SSC4D: variants seen among roughly 807,000 people sequenced by gnomAD.
The protein encoded by SSC4D is scavenger receptor cysteine rich family member with 4 domains, also known as scavenger receptor cysteine-rich domain-containing group B protein.
Under a neutral mutation model 63.4 loss-of-function variants are expected in SSC4D, and 57 were observed. The observed-to-expected ratio is 0.90, with a 90% CI of 0.73 to 1.12. SSC4D has a LOEUF of 1.12. Among genes scored for constraint, SSC4D ranks in the 50% most tolerant of loss-of-function variants. The pLI, the probability that SSC4D is intolerant of heterozygous loss-of-function variation, is 0.00. For synonymous variants in SSC4D, 352 were observed against 345.4 expected (o/e 1.02, Z -0.21); for missense variants, 791 against 806.4 (o/e 0.98, Z 0.23).
At chr7:76,396,336 C>T (rs1414080573) in intron 6 of SSC4D, among the ~76,000 whole-genome samples, 1 of 152,212 alleles carries the variant, frequency 6.6e-6, no homozygotes, top group African/African-American at 2.4e-5. Flanking sequence ...CTTTCCATGG[C>T]AACGCAGACA....
intron 9 of SSC4D, 148 bp from the exon 10 acceptor site, chr7:76,392,189 T>TCAGAAATG: frequency 1.4e-6 from 1 of 735,418 alleles, no homozygotes; most frequent in Non-Finnish European, 2.2e-6. Flanking sequence ...CTCCCCTTGA[T>TCAGAAATG]CAGAAATGCG....
intron 6 of SSC4D, among the ~76,000 whole-genome samples, chr7:76,396,060 G>T (rs1804631933): frequency 6.6e-6 from 1 of 152,236 alleles, no homozygotes; most frequent in African/African-American, 2.4e-5. Flanking sequence ...GGTTAGCAGG[G>T]GCTCTGTCAG....
rs756615057 is a variant in SSC4D at position 76,400,572 on chromosome 7, GC to G, written c.188del (p.Gly63AlafsTer32). ...LPFQELRLVG[G>X]PSRCRGRLEV... ...CCAGGCGGCCCCGGCAGCGGCTGGG[GC>G]CCCCCACCAGCCTCAGCTCTGTGAA... On this transcript the variant is annotated frameshift_variant, in exon 4 of 11. Coordinates refer to ENST00000275560, the MANE Select transcript of SSC4D (RefSeq NM_080744.2). LOFTEE classifies it high-confidence loss of function. The G allele has an allele frequency of 3.1e-5, 46 of 1,484,124 alleles. No individual in the cohort carries two copies. The African/African-American group carries it at 5.8e-4, about 19-fold the overall frequency. 91.9% of individuals were successfully genotyped at this position (1,484,124 alleles called of 1,614,324 possible). A position where few individuals can be genotyped will look rare whatever the true frequency, so the allele number is the denominator to read the frequency against.
chr7:76,406,338 T>C (rs1805031558), intron 1 of SSC4D, among the ~76,000 whole-genome samples: 1 of 152,190 alleles, frequency 6.6e-6, no homozygotes, highest in Non-Finnish European at 1.5e-5. Context: ...TGGGAGGATA[T>C]AGATACTCAT....
chr7:76,393,934 A>T (rs1483268911), intron 7 of SSC4D, 30 bp from the exon 8 acceptor site: 6 of 1,574,610 alleles, frequency 3.8e-6, no homozygotes, highest in Non-Finnish European at 4.3e-6. Flanking sequence ...AGGGCGTTCG[A>T]AGGGGACGAG....
At position 76,390,373 on chromosome 7, in the gene SSC4D, G is replaced by A. The variant is rs897940101; in HGVS notation, c.1414C>T (p.His472Tyr). ...RVPTPRPRDG[H>Y]LRLVNGAHRC... ...TGGGCTCCATTGACCAGACGTAGAT[G>A]CCCTGTGGGGGGACAGGGCTGGGTT... Residue 472 changes from histidine to tyrosine, a missense_variant and splice_region_variant, in exon 11 of 11, where the codon CAT becomes TAT. Coordinates refer to ENST00000275560, the MANE Select transcript of SSC4D (RefSeq NM_080744.2). The A allele has an allele frequency of 1.9e-6, 3 of 1,576,594 alleles. No homozygotes were observed. Among genetic ancestry groups the A allele is most frequent in the Admixed American group, 1.7e-5 (1 of 57,588 alleles).
rs765700600 is a variant in SSC4D, at chr7:76,395,235, G to T, written c.946+18C>A. 6 of 1,613,360 alleles carry T rather than the reference G, an allele frequency of 3.7e-6. No individual in the cohort carries two copies. The highest frequency in any genetic ancestry group is 1.8e-4 in the Middle Eastern group (1 of 5,682). On this transcript the variant is annotated intron_variant, in intron 7 of 10. Transcript: ENST00000275560. ...ACCATACCCCTACCATTCCCGCCTGGAGGGCTGAGCTCTTTACCGGACGGA... is the reference window on the plus strand; with the variant it reads ...ACCATACCCCTACCATTCCCGCCTGTAGGGCTGAGCTCTTTACCGGACGGA...
At position 76,398,786 on chromosome 7, in the gene SSC4D, T is replaced by C; in HGVS notation, c.487A>G (p.Thr163Ala). The C allele has an allele frequency of 6.2e-7, 1 of 1,612,816 alleles. No homozygotes were observed. ...VAVLCDEFLPTQPPTRKMLTS... is the reference protein window; with the variant it reads ...VAVLCDEFLPAQPPTRKMLTS... ...AACATCTTCCTTGTTGGGGGCTGCG[T>C]TGGCAAGAATTCTGGAAAGGAAGTG... The change falls in exon 5 of 11, where the codon ACG (threonine) becomes GCG (alanine). Residue 163 changes from threonine to alanine, a missense_variant. By Grantham distance (58) the Thr-to-Ala change is moderately conservative. Coordinates refer to ENST00000275560, the MANE Select transcript of SSC4D (RefSeq NM_080744.2).
chr7:76,395,073 C>T lies in SSC4D; in HGVS notation c.946+180G>A, dbSNP rs149022615. Among the ~76,000 whole-genome samples the T allele has an allele frequency of 2.0e-5, 3 of 152,134 alleles. No homozygotes were observed. The East Asian group carries it at 5.8e-4, about 29-fold the overall frequency. ...CCACCCCGCTGAAGTTTTCAGAGCT[C>T]TGAGTTTCATCATCCTTGCTCCGTC... On this transcript the variant is annotated intron_variant, in intron 7 of 10. Coordinates refer to ENST00000275560, the MANE Select transcript of SSC4D (RefSeq NM_080744.2).
intron 6 of SSC4D, among the ~76,000 whole-genome samples, chr7:76,396,639 A>C (rs192050065): frequency 2.8e-4 from 43 of 152,258 alleles, no homozygotes; most frequent in Admixed American, 4.6e-4. Context: ...CCTTGCATTA[A>C]CTGTGTGACC....
At chr7:76,402,608 C>G (rs925111849) in intron 2 of SSC4D, among the ~76,000 whole-genome samples, 1 of 151,682 alleles carries the variant, frequency 6.6e-6, no homozygotes, top group Non-Finnish European at 1.5e-5. Flanking sequence ...TGTGAGCCAC[C>G]TTGCCTGGCC....
chr7:76,407,135 A>G (rs910054979), intron 1 of SSC4D, among the ~76,000 whole-genome samples: 1 of 151,956 alleles, frequency 6.6e-6, no homozygotes, highest in East Asian at 1.9e-4. Context: ...TAATTTTTGT[A>G]TGTTCAGTAG....
At chr7:76,402,539 G>C (rs546041501) in intron 2 of SSC4D, among the ~76,000 whole-genome samples, 86 of 151,724 alleles carry the variant, frequency 5.7e-4, no homozygotes, top group Middle Eastern at 3.4e-3. Flanking sequence ...GGCTGGTCTC[G>C]AACTCTTGGC....
intron 2 of SSC4D, among the ~76,000 whole-genome samples, chr7:76,402,182 A>ATTTTTTTTTTTT (rs57389874): frequency 7.9e-6 from 1 of 127,234 alleles, no homozygotes; most frequent in Non-Finnish European, 1.7e-5. Flanking sequence ...CTGCCCAGCT[A>ATTTTTTTTTTTT]TTTTTTTTTT....
In SSC4D at chr7:76,404,292, C is replaced by T. The variant is rs748845610; in HGVS notation, c.133+15G>A. On this transcript the variant is annotated intron_variant, in intron 2 of 10. Transcript: ENST00000275560. ...AGAAAGAGGAAGTGGCAAGGGCTAA[C>T]AGGGGAGGACTCACCCAGTGGCAGG... 4 of 1,567,788 alleles carry T rather than the reference C, an allele frequency of 2.6e-6. No individual in the cohort carries two copies. The highest frequency in any genetic ancestry group is 3.5e-6 in the Non-Finnish European group (4 of 1,158,418).
intron 7 of SSC4D, 141 bp downstream of exon 7, chr7:76,395,110 GTC>G: frequency 1.2e-6 from 1 of 843,292 alleles, no homozygotes; most frequent in Non-Finnish European, 1.9e-6. Flanking sequence ...GCTCATAATT[GTC>G]TCACCCACCT....
intron 7 of SSC4D, 31 bp downstream of exon 7, chr7:76,395,222 C>G: frequency 6.2e-7 from 1 of 1,612,324 alleles, no homozygotes; most frequent in Non-Finnish European, 8.5e-7. Context: ...CATACCCCTA[C>G]CATTCCCGCC....
At chr7:76,396,099 T>C (rs1451691800) in intron 6 of SSC4D, among the ~76,000 whole-genome samples, 1 of 152,210 alleles carries the variant, frequency 6.6e-6, no homozygotes, top group South Asian at 2.1e-4. Context: ...TCTGCCCTCC[T>C]ACAGCCCCTC....
chr7:76,390,950 T>G (rs1327672254), intron 10 of SSC4D, among the ~76,000 whole-genome samples: 3 of 152,152 alleles, frequency 2.0e-5, no homozygotes, highest in East Asian at 3.9e-4. Flanking sequence ...AGCAAGACCC[T>G]GTCTCTAAAA....
Sources: allele counts gnomAD v4.1 joint callset (sites outside exome capture counted in the v4.1 genomes callset), GRCh38; gene constraint gnomAD v4.1.1; transcripts MANE v1.5; gene names NCBI Gene and HGNC (gene_info 2026-07-23, HGNC 2026-07-21).